Variants in STK32B observed in about 807,000 individuals in gnomAD.
The protein encoded by STK32B is serine/threonine-protein kinase 32B.
STK32B carries 43 observed loss-of-function variants against 52.6 expected under a neutral mutation model. The observed-to-expected ratio is 0.82, with a 90% CI of 0.64 to 1.05. STK32B has a LOEUF of 1.05. Among genes scored for constraint, STK32B ranks in the 50% least tolerant of loss-of-function variants. The pLI, the probability that STK32B is intolerant of heterozygous loss-of-function variation, is 0.00. For synonymous variants in STK32B, 238 were observed against 204.3 expected, an observed-to-expected ratio of 1.17 and a Z score of -1.41; for missense variants, 621 against 534.6, an observed-to-expected ratio of 1.16 and a Z score of -1.59.
intron 4 of STK32B, among the ~76,000 whole-genome samples, chr4:5,348,653 A>G (rs1014386247): frequency 5.9e-5 from 9 of 152,172 alleles, no homozygotes; most frequent in African/African-American, 2.2e-4. Flanking sequence ...CAGCATCCCC[A>G]CACTACTCAG....
chr4:5,088,492 G>C (rs913649723), intron 1 of STK32B, among the ~76,000 whole-genome samples: 6 of 152,050 alleles, frequency 3.9e-5, no homozygotes, highest in African/African-American at 1.4e-4. Context: ...ATAAATACTT[G>C]AGAGGTTGGA....
chr4:5,189,004 A>G (rs1212219589), intron 3 of STK32B, among the ~76,000 whole-genome samples: 1 of 150,708 alleles, frequency 6.6e-6, no homozygotes, highest in East Asian at 1.9e-4. Flanking sequence ...CTAGAACTTA[A>G]GGTATAATTT....
At chr4:5,148,493 A>G (rs999534039) in intron 2 of STK32B, among the ~76,000 whole-genome samples, 4 of 151,770 alleles carry the variant, frequency 2.6e-5, no homozygotes, top group Non-Finnish European at 4.4e-5. Flanking sequence ...TCTTTGACCC[A>G]TGAATTATTT....
At chr4:5,066,926 TC>T (rs1742448167) in intron 1 of STK32B, among the ~76,000 whole-genome samples, 1 of 152,200 alleles carries the variant, frequency 6.6e-6, no homozygotes, top group African/African-American at 2.4e-5. Flanking sequence ...TATCACATGC[TC>T]CTTCATAGCA....
intron 1 of STK32B, among the ~76,000 whole-genome samples, chr4:5,096,031 A>G (rs1017406708): frequency 6.6e-6 from 1 of 152,200 alleles, no homozygotes; most frequent in Non-Finnish European, 1.5e-5. Flanking sequence ...GAAGATTTTC[A>G]TTGTCTTCTG....
intron 3 of STK32B, among the ~76,000 whole-genome samples, chr4:5,297,366 G>A (rs926817074): frequency 2.0e-5 from 3 of 152,054 alleles, no homozygotes; most frequent in African/African-American, 4.8e-5. Flanking sequence ...ATAACCTGAA[G>A]TGTGTTTTCC....
chr4:5,496,422 T>G (rs879838748), intron 11 of STK32B, among the ~76,000 whole-genome samples: 1 of 152,164 alleles, frequency 6.6e-6, no homozygotes, highest in Admixed American at 6.5e-5. Flanking sequence ...TTTTAAGCCC[T>G]TCGGAAAAGC....
Position 5,105,633 on chromosome 4 carries a change from G to T in STK32B, c.53-34272G>T, listed in dbSNP as rs376431972. Reference sequence around the variant, plus strand: ...GGCTGGAGTGTAGTGGCGGGATCTTGGCTCACTGCAAGCTCCGCCTCCCGG... The same window carrying T: ...GGCTGGAGTGTAGTGGCGGGATCTTTGCTCACTGCAAGCTCCGCCTCCCGG... On this transcript the variant is annotated intron_variant, in intron 1 of 11. Transcript: ENST00000282908. 7.6e-3 allele frequency among the ~76,000 whole-genome samples: 1,151 copies of T among 151,778 alleles called. 19 individuals carry two copies. The highest frequency in any genetic ancestry group is 0.027 in the African/African-American group (1,109 of 41,374).
intron 3 of STK32B, among the ~76,000 whole-genome samples, chr4:5,324,665 T>A (rs564294922): frequency 2.0e-5 from 3 of 152,274 alleles, no homozygotes; most frequent in African/African-American, 7.2e-5. Context: ...ACAAAAACTG[T>A]CTCCACACAT....
At chr4:5,174,903 A>G (rs1350735135) in intron 3 of STK32B, among the ~76,000 whole-genome samples, 1 of 152,206 alleles carries the variant, frequency 6.6e-6, no homozygotes, top group Non-Finnish European at 1.5e-5. Context: ...GTGTTTTCCA[A>G]CTTGGTTCCA....
intron 5 of STK32B, among the ~76,000 whole-genome samples, chr4:5,409,356 G>A (rs1284923678): frequency 6.6e-6 from 1 of 152,058 alleles, no homozygotes; most frequent in African/African-American, 2.4e-5. Context: ...ATCATAGTAG[G>A]GAAAGCGTTG....
At chr4:5,437,897 T>A (rs1714236492) in intron 6 of STK32B, 1 of 984,496 alleles carries the variant, frequency 1.0e-6, no homozygotes, top group Admixed American at 6.1e-5. Flanking sequence ...GCATAGGGAT[T>A]ATGATATCAA....
At position 5,153,621 on chromosome 4, in the gene STK32B, C is replaced by T. The variant is rs79498935; in HGVS notation, c.108+13661C>T. On this transcript the variant is annotated intron_variant, in intron 2 of 11. Coordinates refer to ENST00000282908, the MANE Select transcript of STK32B (RefSeq NM_018401.3). ...TTATATAATGCTGAAAGATTAAATG[C>T]TTTTCCAAAGTAGAAACAAGGCAAA... Among the ~76,000 whole-genome samples the T allele has an allele frequency of 1.5e-3, 231 of 152,130 alleles. 4 individuals are homozygous for T. In the East Asian group the frequency reaches 0.036, roughly 24 times the overall value.
Position 5,492,648 on chromosome 4 carries a change from T to C in STK32B, c.1107-6297T>C, listed in dbSNP as rs1435458399. 1.3e-4 allele frequency among the ~76,000 whole-genome samples: 20 copies of C among 150,746 alleles called. 1 individual carries two copies. The South Asian group carries it at 4.2e-3, about 32-fold the overall frequency. On this transcript the variant is annotated intron_variant, in intron 11 of 11. Transcript: ENST00000282908. ...GTGGTGAGAGAGGGCATCCCTGTCT[T>C]GTGCCAGTTTTCAAAGGGAATGCTT... is the stretch of plus-strand genomic sequence containing the variant.
chr4:5,334,639 G>C (rs1463953647), intron 4 of STK32B, among the ~76,000 whole-genome samples: 1 of 151,660 alleles, frequency 6.6e-6, no homozygotes, highest in Non-Finnish European at 1.5e-5. Flanking sequence ...TTATTATTTT[G>C]AGATATGTCC....
intron 1 of STK32B, among the ~76,000 whole-genome samples, chr4:5,107,422 T>C (rs1331352894): frequency 6.6e-6 from 1 of 152,216 alleles, no homozygotes; most frequent in Non-Finnish European, 1.5e-5. Context: ...CCCCCGTCTG[T>C]GGAAATTGTC....
At position 5,113,773 on chromosome 4, in the gene STK32B, C is replaced by A. The variant is rs143555340; in HGVS notation, c.53-26132C>A. ...GCTGCTGATAAAGATATACCCAAGA[C>A]TGGGCAATTTAAAAAAGAAAGAGGT... On this transcript the variant is annotated intron_variant, in intron 1 of 11. Transcript: ENST00000282908. Among the ~76,000 whole-genome samples, 124 of 152,282 alleles carry A rather than the reference C, an allele frequency of 8.1e-4. 3 individuals are homozygous for A. The East Asian group carries it at 0.018, about 23-fold the overall frequency.
chr4:5,153,818 AAT>A (rs1289349816), intron 2 of STK32B, among the ~76,000 whole-genome samples: 18 of 152,304 alleles, frequency 1.2e-4, no homozygotes, highest in Admixed American at 9.8e-4. Flanking sequence ...CTAGAATGAA[AAT>A]ATGAGTATAG....
intron 1 of STK32B, among the ~76,000 whole-genome samples, chr4:5,105,752 AC>A (rs902508044): frequency 1.1e-4 from 16 of 151,674 alleles, no homozygotes; most frequent in African/African-American, 3.9e-4. Context: ...TTTAATAGAG[AC>A]AGGGTTTCAC....
Sources: allele counts gnomAD v4.1 joint callset (sites outside exome capture counted in the v4.1 genomes callset), GRCh38; gene constraint gnomAD v4.1.1; transcripts MANE v1.5; gene names NCBI Gene and HGNC (gene_info 2026-07-23, HGNC 2026-07-21).